Variants in MCF2L2 observed in about 807,000 individuals in gnomAD.
MCF2L2 encodes probable guanine nucleotide exchange factor MCF2L2.
MCF2L2 carries 102 observed loss-of-function variants against 150.2 expected under a neutral mutation model. The ratio of observed to expected loss-of-function variants is 0.68; its 90% CI spans 0.58 to 0.80. The LOEUF is 0.80. Ranked by LOEUF, MCF2L2 falls within the 30% of genes least tolerant of loss-of-function variation. The probability of loss-of-function intolerance (pLI) is 0.00; values close to 1 mark genes in which losing one functional copy is unlikely to be tolerated. For synonymous variants in MCF2L2, 465 were observed against 491.3 expected (o/e 0.95, Z 0.71); for missense variants, 1,256 against 1,372.8 (o/e 0.91, Z 1.34).
chr3:183,305,526 C>A lies in MCF2L2; in HGVS notation c.1113+4190G>T, dbSNP rs1268066211. Among the ~76,000 whole-genome samples, 2 of 152,076 alleles carry A rather than the reference C, an allele frequency of 1.3e-5. No homozygotes were observed. Among genetic ancestry groups the A allele is most frequent in the African/African-American group, 4.8e-5 (2 of 41,402 alleles). ...TAGAGGGAAGATGTGTGTAACAGGT[C>A]CAAATGGGTCTAGGGAGAAACGCCC... On this transcript the variant is annotated intron_variant, in intron 10 of 29. Coordinates refer to ENST00000328913, the MANE Select transcript of MCF2L2 (RefSeq NM_015078.4). The surrounding 1 kb of genome is among the most constrained non-coding windows in gnomAD (Gnocchi z 4.1).
chr3:183,314,638 C>T (rs1472007723), intron 7 of MCF2L2, among the ~76,000 whole-genome samples: 3 of 151,936 alleles, frequency 2.0e-5, no homozygotes, highest in Admixed American at 6.6e-5. Flanking sequence ...TAGGAAAAAA[C>T]ACTCTCCAGG....
rs902527214 is a variant in MCF2L2 at position 183,179,366 on chromosome 3, C to T, written c.*14G>A. 1 of 1,438,274 alleles carries T rather than the reference C, an allele frequency of 7.0e-7. No individual in the cohort carries two copies. The highest frequency in any genetic ancestry group is 9.1e-7 in the Non-Finnish European group (1 of 1,096,996). 89.1% of individuals were successfully genotyped at this position (1,438,274 alleles called of 1,614,324 possible). ...GCGCTCTGGAGCCGAGGAGCGGGGG[C>T]GTCCGCAGGGAGGTCAGCTCTCCTG... is the stretch of plus-strand genomic sequence containing the variant. On this transcript the variant is annotated 3_prime_UTR_variant, in exon 30 of 30. Transcript: ENST00000328913. The surrounding 1 kb of genome is among the most constrained non-coding windows in gnomAD (Gnocchi z 4.2).
At chr3:183,234,620 T>C (rs1020356344) in intron 15 of MCF2L2, among the ~76,000 whole-genome samples, 3 of 151,916 alleles carry the variant, frequency 2.0e-5, no homozygotes, top group Non-Finnish European at 4.4e-5. Context: ...TGTTAGGCCA[T>C]TGCTTTTCCT....
At chr3:183,184,413 CA>C (rs1721627666) in intron 27 of MCF2L2, among the ~76,000 whole-genome samples, 1 of 152,192 alleles carries the variant, frequency 6.6e-6, no homozygotes, top group Non-Finnish European at 1.5e-5. Context: ...GGAGCAGATA[CA>C]CCCTGAGTCT....
chr3:183,213,452 G>T (rs1249679690), intron 22 of MCF2L2, among the ~76,000 whole-genome samples: 1 of 151,836 alleles, frequency 6.6e-6, no homozygotes, highest in African/African-American at 2.4e-5. Flanking sequence ...TTGTTTAATT[G>T]TGATAATTTA....
chr3:183,221,347 C>G (rs929579364), intron 20 of MCF2L2, among the ~76,000 whole-genome samples: 2 of 152,212 alleles, frequency 1.3e-5, no homozygotes, highest in East Asian at 1.9e-4. Context: ...ATGCTCCCAA[C>G]AAGCATACCA....
intron 15 of MCF2L2, among the ~76,000 whole-genome samples, chr3:183,257,291 C>T (rs1725131841): frequency 6.6e-6 from 1 of 152,148 alleles, no homozygotes; most frequent in Non-Finnish European, 1.5e-5. Flanking sequence ...GGCATTTAAA[C>T]ACTCTCGGCT....
intron 27 of MCF2L2, among the ~76,000 whole-genome samples, chr3:183,188,519 C>A (rs1411939380): frequency 1.3e-5 from 2 of 152,178 alleles, no homozygotes; most frequent in Non-Finnish European, 2.9e-5. Context: ...ACTCCATCCC[C>A]GCAGTGCCAT....
intron 1 of MCF2L2, among the ~76,000 whole-genome samples, chr3:183,402,661 T>C (rs191394094): frequency 6.6e-6 from 1 of 151,520 alleles, no homozygotes; most frequent in Non-Finnish European, 1.5e-5. Context: ...AAAAAACAAA[T>C]GCTTGAAAAA....
intron 3 of MCF2L2, among the ~76,000 whole-genome samples, chr3:183,352,027 AT>A (rs1250670629): frequency 6.6e-6 from 1 of 152,192 alleles, no homozygotes; most frequent in Non-Finnish European, 1.5e-5. Flanking sequence ...GGTTTGGAAG[AT>A]ATGATAAGAT....
intron 3 of MCF2L2, chr3:183,377,515 G>A (rs1713257532): frequency 6.6e-6 from 1 of 152,096 alleles, no homozygotes; most frequent in Non-Finnish European, 1.5e-5. Context: ...CCAGGTGTTG[G>A]GCACTGTGCT....
rs550032099 is a variant in MCF2L2, at chr3:183,362,266, G to A, written c.275+17031C>T. Among the ~76,000 whole-genome samples, 169 of 151,998 alleles carry A rather than the reference G, an allele frequency of 1.1e-3. 1 individual carries two copies. The highest frequency in any genetic ancestry group is 2.9e-3 in the Admixed American group (45 of 15,272). On this transcript the variant is annotated intron_variant, in intron 3 of 29. Coordinates refer to ENST00000328913, the MANE Select transcript of MCF2L2 (RefSeq NM_015078.4). ...ACTACAGGTGCACACCACCACACCCGGTTAATTTTTGTATTTTTAGTAGAG... is the reference window on the plus strand; with the variant it reads ...ACTACAGGTGCACACCACCACACCCAGTTAATTTTTGTATTTTTAGTAGAG...
At chr3:183,302,307 A>C (rs916550039) in intron 10 of MCF2L2, among the ~76,000 whole-genome samples, 2 of 152,184 alleles carry the variant, frequency 1.3e-5, no homozygotes, top group Non-Finnish European at 1.5e-5. Context: ...CCTCCTAGTG[A>C]ATCTTCGAAG....
In MCF2L2 at chr3:183,295,334, C is replaced by A. The variant is rs372792632; in HGVS notation, c.1641G>T (p.Trp547Cys). Residue 547 changes from tryptophan to cysteine, a missense_variant, in exon 13 of 30, where the codon TGG (tryptophan) becomes TGT (cysteine). Physicochemically the swap from Trp to Cys is radical, Grantham distance 215. Coordinates refer to ENST00000328913, the MANE Select transcript of MCF2L2 (RefSeq NM_015078.4). ...VAPHPESSPKWVSSKTSQPST... is the reference protein window; with the variant it reads ...VAPHPESSPKCVSSKTSQPST... ...AGGGCTGGCTGGTTTTTGATGACACCCATTTTGGTGAAGACTCAGGATGTG... is the reference window on the plus strand; with the variant it reads ...AGGGCTGGCTGGTTTTTGATGACACACATTTTGGTGAAGACTCAGGATGTG... 6.2e-7 allele frequency: 1 copy of A among 1,611,206 alleles called. No homozygotes were observed. The highest frequency in any genetic ancestry group is 8.5e-7 in the Non-Finnish European group (1 of 1,178,844).
chr3:183,190,462 G>A (rs1372629808), intron 27 of MCF2L2, among the ~76,000 whole-genome samples: 2 of 152,246 alleles, frequency 1.3e-5, no homozygotes, highest in Non-Finnish European at 2.9e-5. Context: ...ACGGCTTTCA[G>A]ATGAAACCTG....
chr3:183,339,762 A>AT lies in MCF2L2; in HGVS notation c.367-844dup, dbSNP rs925588114. On this transcript the variant is annotated intron_variant, in intron 4 of 29. Transcript: ENST00000328913. ...TCCCCCAAAGCAACCTCCTATGGGG[A>AT]TTTTTTTTTTCTAAATCAGGTCTTT... is the stretch of plus-strand genomic sequence containing the variant. 1.2e-3 allele frequency among the ~76,000 whole-genome samples: 176 copies of AT among 149,752 alleles called. 1 individual carries two copies. The highest frequency in any genetic ancestry group is 3.8e-3 in the African/African-American group (154 of 40,720).
At chr3:183,201,872 A>G (rs888817855) in intron 25 of MCF2L2, among the ~76,000 whole-genome samples, 1 of 152,188 alleles carries the variant, frequency 6.6e-6, no homozygotes, top group Admixed American at 6.5e-5. Context: ...TACTGCATCT[A>G]TTGAGATAAT....
chr3:183,371,847 T>C (rs541820801), intron 3 of MCF2L2, among the ~76,000 whole-genome samples: 1 of 152,044 alleles, frequency 6.6e-6, no homozygotes, highest in South Asian at 2.1e-4. Flanking sequence ...CACTTATGCC[T>C]CAGTTTGGCT....
intron 5 of MCF2L2, among the ~76,000 whole-genome samples, chr3:183,338,127 T>C (rs780990062): frequency 4.6e-5 from 7 of 152,054 alleles, no homozygotes; most frequent in Admixed American, 6.6e-5. Context: ...TTCAGACTAA[T>C]TTTACCATGT....
Sources: allele counts gnomAD v4.1 joint callset (sites outside exome capture counted in the v4.1 genomes callset), GRCh38; gene constraint gnomAD v4.1.1; non-coding constraint Gnocchi (gnomAD v3.1); transcripts MANE v1.5; gene names NCBI Gene and HGNC (gene_info 2026-07-23, HGNC 2026-07-21).